The following COL10A1 variants were observed in gnomAD, a reference collection of about 807,000 sequenced individuals.
The protein encoded by COL10A1 is collagen type X alpha 1 chain.
A neutral mutation model predicts 18.2 loss-of-function variants in COL10A1; 10 were observed. The ratio of observed to expected loss-of-function variants is 0.55; its 90% CI spans 0.34 to 0.93. The LOEUF is 0.93. Ranked by LOEUF, COL10A1 falls within the 40% of genes least tolerant of loss-of-function variation. The pLI, the probability that COL10A1 is intolerant of heterozygous loss-of-function variation, is 0.02. For missense variants in COL10A1, 897 were observed against 853.5 expected (o/e 1.05, Z -0.64); for synonymous variants, 330 against 316.6 (o/e 1.04, Z -0.45).
At chr6:116,145,032 C>T (rs186029325) in intron 1 of COL10A1, among the ~76,000 whole-genome samples, 8 of 152,254 alleles carry the variant, frequency 5.3e-5, no homozygotes, top group African/African-American at 1.9e-4. Flanking sequence ...TTGATTCGTA[C>T]ATCAGATTGA....
the COL10A1 span, among the ~76,000 whole-genome samples, chr6:116,207,812 G>A: frequency 1.3e-5 from 2 of 151,906 alleles, no homozygotes; most frequent in Non-Finnish European, 2.9e-5. Flanking sequence ...AGGCTATAAA[G>A]AGCCGCCCCA....
At chr6:116,150,006 C>G (rs1004869973) in intron 1 of COL10A1, among the ~76,000 whole-genome samples, 3 of 152,284 alleles carry the variant, frequency 2.0e-5, no homozygotes, top group African/African-American at 4.8e-5. Flanking sequence ...CATCTGCCCC[C>G]CAAAGTACTG....
At chr6:116,166,678 T>G in the COL10A1 span, among the ~76,000 whole-genome samples, 4 of 152,340 alleles carry the variant, frequency 2.6e-5, no homozygotes, top group South Asian at 8.3e-4. Context: ...CAGTAGTGTA[T>G]TTCAAAAGTT....
the COL10A1 span, among the ~76,000 whole-genome samples, chr6:116,195,930 T>G: frequency 6.6e-6 from 1 of 152,044 alleles, no homozygotes; most frequent in Admixed American, 6.6e-5. Context: ...GGAGAGAGAT[T>G]CCTGCCTCTA....
chr6:116,186,159 A>G, the COL10A1 span, among the ~76,000 whole-genome samples: 1 of 151,806 alleles, frequency 6.6e-6, no homozygotes, highest in Non-Finnish European at 1.5e-5. Flanking sequence ...AAATTCTTAT[A>G]TGATAATTAT....
chr6:116,142,589 CTG>C (rs58582391), intron 1 of COL10A1, among the ~76,000 whole-genome samples: 5,300 of 152,068 alleles, frequency 0.035, 302 homozygotes, highest in African/African-American at 0.12. Context: ...GTGGTAAAAA[CTG>C]TGTTTTTTCC....
chr6:116,190,006 T>C, the COL10A1 span, among the ~76,000 whole-genome samples: 2 of 152,056 alleles, frequency 1.3e-5, no homozygotes, highest in African/African-American at 4.8e-5. Flanking sequence ...TAATGGAAAG[T>C]ACAGTGGCTC....
At chr6:116,175,822 T>G in the COL10A1 span, among the ~76,000 whole-genome samples, 1 of 152,222 alleles carries the variant, frequency 6.6e-6, no homozygotes, top group Non-Finnish European at 1.5e-5. Context: ...TGTTTATCCT[T>G]TTCACTAGAT....
At chr6:116,177,430 A>G in the COL10A1 span, among the ~76,000 whole-genome samples, 13 of 152,150 alleles carry the variant, frequency 8.5e-5, no homozygotes, top group African/African-American at 3.1e-4. Context: ...AATGGCTTCC[A>G]TCTGTTTCAT....
At chr6:116,179,300 A>C in the COL10A1 span, among the ~76,000 whole-genome samples, 1 of 152,168 alleles carries the variant, frequency 6.6e-6, no homozygotes, top group African/African-American at 2.4e-5. Context: ...AAAACTGCAT[A>C]ATGGCAGGAG....
upstream of COL10A1, among the ~76,000 whole-genome samples, chr6:116,160,480 T>G (rs1780300704): frequency 6.6e-6 from 1 of 152,208 alleles, no homozygotes; most frequent in African/African-American, 2.4e-5. Flanking sequence ...GTTTTTTTTC[T>G]TTTTGATTTG....
chr6:116,194,166 A>G, the COL10A1 span, among the ~76,000 whole-genome samples: 1 of 152,132 alleles, frequency 6.6e-6, no homozygotes, highest in Non-Finnish European at 1.5e-5. Context: ...ATGTACAAAA[A>G]ATGTGACATG....
the COL10A1 span, among the ~76,000 whole-genome samples, chr6:116,212,193 T>C: frequency 1.3e-5 from 2 of 152,076 alleles, no homozygotes; most frequent in Admixed American, 1.3e-4. Flanking sequence ...GAAACTTTAG[T>C]ATGTTCTTTT....
At chr6:116,214,451 T>G in the COL10A1 span, among the ~76,000 whole-genome samples, 1 of 152,120 alleles carries the variant, frequency 6.6e-6, no homozygotes, top group Non-Finnish European at 1.5e-5. Context: ...GTGAGGACCA[T>G]GTTCTGCTAG....
intron 1 of COL10A1, among the ~76,000 whole-genome samples, chr6:116,142,691 G>A (rs1779797383): frequency 6.6e-6 from 1 of 152,162 alleles, no homozygotes; most frequent in South Asian, 2.1e-4. Context: ...TAAGCAGGAA[G>A]CAGTGAAATA....
chr6:116,185,099 C>T, the COL10A1 span, among the ~76,000 whole-genome samples: 1 of 151,952 alleles, frequency 6.6e-6, no homozygotes, highest in South Asian at 2.1e-4. Flanking sequence ...TTTAAATTTC[C>T]ATCTTGAGTT....
Position 116,121,786 on chromosome 6 carries a change from C to T in COL10A1, c.330G>A (p.Val110=). 1.9e-6 allele frequency: 3 copies of T among 1,613,822 alleles called. No homozygotes were observed. The highest frequency in any genetic ancestry group is 2.5e-6 in the Non-Finnish European group (3 of 1,179,950). ...CTCCTGGTTTTCCTGGGAGTCCTGG[C>T]ACACCTGGTTTCCCTACAGCTGATG... ...PGPSAVGKPG[V]PGLPGKPGER... The change falls in exon 3 of 3, where the codon GTG becomes GTA. Residue 110 remains valine (V), a synonymous_variant. Coordinates refer to ENST00000651968, the MANE Select transcript of COL10A1 (RefSeq NM_000493.4).
At chr6:116,134,353 T>C (rs1779538664) in intron 1 of COL10A1, among the ~76,000 whole-genome samples, 1 of 152,160 alleles carries the variant, frequency 6.6e-6, no homozygotes, top group African/African-American at 2.4e-5. Flanking sequence ...TCTGACTTCT[T>C]TAGTGTCTGT....
At chr6:116,197,106 C>T in the COL10A1 span, among the ~76,000 whole-genome samples, 1 of 151,864 alleles carries the variant, frequency 6.6e-6, no homozygotes, top group African/African-American at 2.4e-5. Context: ...TGTCCACCCC[C>T]ACCTCCTTTC....
Sources: gnomAD v4.1 joint callset for allele counts (sites outside exome capture counted in the v4.1 genomes callset) on GRCh38, gnomAD v4.1.1 for gene constraint, MANE v1.5 for transcripts, NCBI Gene and HGNC (gene_info 2026-07-23, HGNC 2026-07-21) for gene names.